Variants in SLC2A11 observed in about 807,000 individuals in gnomAD.
The protein encoded by SLC2A11 is solute carrier family 2, facilitated glucose transporter member 11.
SLC2A11 carries 43 observed loss-of-function variants against 52.1 expected under a neutral mutation model. That is an observed-to-expected ratio of 0.82 (90% CI 0.65 to 1.06). The LOEUF (loss-of-function observed/expected upper bound fraction) is 1.06, where lower values mean the gene tolerates loss of function less well. SLC2A11 is among the 50% of genes least tolerant of loss of function. The pLI is 0.00. For missense variants in SLC2A11, 582 were observed against 654.2 expected (o/e 0.89, Z 1.20); for synonymous variants, 261 against 277.6 (o/e 0.94, Z 0.59).
chr22:23,882,651 G>A lies in SLC2A11; in HGVS notation c.882+5G>A. Reference sequence around the variant, plus strand: ...GAGCTCTGCGGGAATGACTCGGTGAGACCCCTGCCCCGCCGCACACCCTGG... The same window carrying A: ...GAGCTCTGCGGGAATGACTCGGTGAAACCCCTGCCCCGCCGCACACCCTGG... On this transcript the variant is annotated splice_donor_5th_base_variant and intron_variant, in intron 7 of 11. Coordinates refer to ENST00000316185, the MANE Select transcript of SLC2A11 (RefSeq NM_001024939.4). 1 of 1,610,140 alleles carries A rather than the reference G, an allele frequency of 6.2e-7. No homozygotes were observed. Among genetic ancestry groups the A allele is most frequent in the Non-Finnish European group, 8.5e-7 (1 of 1,177,880 alleles).
intron 3 of SLC2A11, among the ~76,000 whole-genome samples, chr22:23,873,473 CTAATTTTTG>C (rs1334031311): frequency 6.6e-6 from 1 of 152,086 alleles, no homozygotes; most frequent in East Asian, 1.9e-4. Flanking sequence ...CCATGCCTGG[CTAATTTTTG>C]TATTTTTAGT....
upstream of SLC2A11, chr22:23,857,580 C>CT (rs1555884645): frequency 1.6e-5 from 23 of 1,478,424 alleles, no homozygotes; most frequent in Non-Finnish European, 1.9e-5. Context: ...ACCCCAAACC[C>CT]CCCCCCCGCG....
At chr22:23,862,447 A>G (rs2032105034) in intron 2 of SLC2A11, 2 of 479,390 alleles carry the variant, frequency 4.2e-6, no homozygotes, top group East Asian at 3.4e-5. Flanking sequence ...ATGGGGGGTC[A>G]GCCTTGACTC....
chr22:23,884,895 C>A lies in SLC2A11; in HGVS notation c.*46C>A. 2 of 1,539,326 alleles carry A rather than the reference C, an allele frequency of 1.3e-6. No individual in the cohort carries two copies. Among genetic ancestry groups the A allele is most frequent in the Non-Finnish European group, 8.9e-7 (1 of 1,119,930 alleles). ...CCAAAGCCAGCTACTGTCCTGTCCTCTGCTTCCTGCCAGGGCCCTGGTCCT... is the reference window on the plus strand; with the variant it reads ...CCAAAGCCAGCTACTGTCCTGTCCTATGCTTCCTGCCAGGGCCCTGGTCCT... On this transcript the variant is annotated 3_prime_UTR_variant, in exon 12 of 12. Coordinates refer to ENST00000316185, the MANE Select transcript of SLC2A11 (RefSeq NM_001024939.4). This position sits in a 1 kb window ranked among gnomAD's most constrained non-coding sequence, Gnocchi z 4.3.
intron 2 of SLC2A11, 30 bp from the exon 3 acceptor site, chr22:23,868,451 C>T (rs547002962): frequency 6.2e-7 from 1 of 1,612,806 alleles, no homozygotes; most frequent in East Asian, 2.2e-5. Context: ...CCACCATCCC[C>T]AGAAGGCTGA....
chr22:23,883,887 A>G lies in SLC2A11; in HGVS notation c.1095+14A>G, dbSNP rs2032911657. On this transcript the variant is annotated intron_variant, in intron 9 of 11. Transcript: ENST00000316185. ...CTGTGCCTGCAGGTAGCTGGGGTGG[A>G]TGAGGGCTGGGGGGTCCAGGCCGGG... The G allele has an allele frequency of 6.2e-7, 1 of 1,603,164 alleles. No homozygotes were observed. The highest frequency in any genetic ancestry group is 8.5e-7 in the Non-Finnish European group (1 of 1,176,594).
chr22:23,867,781 G>A (rs1218419053), intron 2 of SLC2A11: 5 of 470,004 alleles, frequency 1.1e-5, no homozygotes, highest in Admixed American at 9.4e-5. Context: ...TGCTGGGAAG[G>A]TGGTGCTCCT....
intron 2 of SLC2A11, among the ~76,000 whole-genome samples, chr22:23,864,481 G>A (rs929133249): frequency 1.7e-4 from 26 of 152,020 alleles, no homozygotes; most frequent in Admixed American, 6.6e-4. Context: ...ACCACGCCTG[G>A]CTAATTTTTT....
At chr22:23,875,427 T>A (rs564494341) in intron 4 of SLC2A11, among the ~76,000 whole-genome samples, 186 bp downstream of exon 4, 1 of 152,286 alleles carries the variant, frequency 6.6e-6, no homozygotes, top group South Asian at 2.1e-4. Context: ...TAACTAGATA[T>A]TTAAAGTAGG....
In SLC2A11 at chr22:23,882,525, C is replaced by G. The variant is rs1267748133; in HGVS notation, c.761C>G (p.Ala254Gly). The G allele has an allele frequency of 6.3e-7, 1 of 1,599,044 alleles. No homozygotes were observed. Among genetic ancestry groups the G allele is most frequent in the African/African-American group, 1.3e-5 (1 of 74,536 alleles). Reference sequence around the variant, plus strand: ...CTGGAGGAGCTGGAGGAGGAGCGCGCTGCCTGCCAGGGCTGCCGTGCCCGG... The same window carrying G: ...CTGGAGGAGCTGGAGGAGGAGCGCGGTGCCTGCCAGGGCTGCCGTGCCCGG... ...GELEELEEER[A>G]ACQGCRARRP... Residue 254 changes from alanine (A) to glycine (G), a missense_variant, in exon 7 of 12, where the codon GCT becomes GGT. By Grantham distance (60) the Ala-to-Gly change is moderately conservative. Coordinates refer to ENST00000316185, the MANE Select transcript of SLC2A11 (RefSeq NM_001024939.4).
chr22:23,863,530 G>C (rs146107559), intron 2 of SLC2A11, among the ~76,000 whole-genome samples: 85 of 151,578 alleles, frequency 5.6e-4, no homozygotes, highest in African/African-American at 1.7e-3. Flanking sequence ...GCTTCACACA[G>C]CACTGAGGGA....
intron 6 of SLC2A11, chr22:23,880,304 G>T (rs190969250): frequency 6.6e-6 from 1 of 151,512 alleles, no homozygotes; most frequent in Non-Finnish European, 1.5e-5. Flanking sequence ...CAAAGTTGGG[G>T]CACAGAAGTC....
At chr22:23,882,315 GAGAC>G in intron 6 of SLC2A11, 140 bp from the exon 7 acceptor site, 1 of 699,296 alleles carries the variant, frequency 1.4e-6, no homozygotes, top group Non-Finnish European at 2.3e-6. Context: ...GGCAGAGAGA[GAGAC>G]ACACACACAC....
chr22:23,865,913 C>T (rs1601491247), intron 2 of SLC2A11: 1 of 152,412 alleles, frequency 6.6e-6, no homozygotes, highest in African/African-American at 2.4e-5. Context: ...TGCTTCTAAT[C>T]CGAACACTTT....
chr22:23,863,608 GTTTT>G (rs71184923), intron 2 of SLC2A11, among the ~76,000 whole-genome samples: 4 of 86,784 alleles, frequency 4.6e-5, no homozygotes, highest in African/African-American at 9.1e-5. Flanking sequence ...TCTCTCTCTG[GTTTT>G]TTTTTTTTTT....
At chr22:23,857,395 G>T, upstream of SLC2A11, 10 of 1,584,716 alleles carry the variant, frequency 6.3e-6, no homozygotes, top group South Asian at 1.1e-5. Context: ...GATGACCTTG[G>T]ACCAGAGCTC....
intron 2 of SLC2A11, among the ~76,000 whole-genome samples, chr22:23,863,622 T>TC: frequency 2.1e-5 from 3 of 142,512 alleles, no homozygotes; most frequent in African/African-American, 7.9e-5. Context: ...TTTTTTTTTT[T>TC]TTTTTTTTTT....
intron 8 of SLC2A11, chr22:23,883,300 G>T (rs966208256): frequency 1.3e-5 from 4 of 319,630 alleles, no homozygotes; most frequent in Non-Finnish European, 2.4e-5. Context: ...GTGAAACCCC[G>T]TCTCTACAAA....
chr22:23,868,721 G>A lies in SLC2A11; in HGVS notation c.290+80G>A, dbSNP rs139416760. The A allele has an allele frequency of 1.6e-3, 2,527 of 1,546,010 alleles. 22 individuals are homozygous for A. In the African/African-American group the frequency reaches 0.019, roughly 12 times the overall value. ...TGCAGGCTGAGGAATGTGGAAGAAG[G>A]AAGAGGCCCGGCAAGCTCCAGGCCC... On this transcript the variant is annotated intron_variant, in intron 3 of 11. Transcript: ENST00000316185.
Sources: gnomAD v4.1 joint callset for allele counts (sites outside exome capture counted in the v4.1 genomes callset) on GRCh38, gnomAD v4.1.1 for gene constraint, Gnocchi (gnomAD v3.1) non-coding constraint, MANE v1.5 for transcripts, NCBI Gene and HGNC (gene_info 2026-07-23, HGNC 2026-07-21) for gene names.